The following POU2F1 variants were observed in gnomAD, a reference collection of about 807,000 sequenced individuals.
POU2F1 encodes POU domain, class 2, transcription factor 1.
In POU2F1, 16 loss-of-function variants were observed where a neutral mutation model predicts 84.9. The observed-to-expected ratio is 0.19, with a 90% CI of 0.13 to 0.29. The LOEUF (loss-of-function observed/expected upper bound fraction) is 0.29. Among genes scored for constraint, POU2F1 ranks in the 10% least tolerant of loss-of-function variants. The probability of loss-of-function intolerance (pLI) is 1.00; values close to 1 mark genes in which losing one functional copy is unlikely to be tolerated. For synonymous variants in POU2F1, 368 were observed against 368.3 expected, an observed-to-expected ratio of 1.00 and a Z score of 0.01; for missense variants, 738 against 942.6, an observed-to-expected ratio of 0.78 and a Z score of 2.84.
At position 167,315,377 on chromosome 1, in the gene POU2F1, T is replaced by G. The variant is rs1253800834; in HGVS notation, c.62-17093T>G. Among the ~76,000 whole-genome samples the G allele has an allele frequency of 2.8e-4, 43 of 152,336 alleles. 2 individuals carry two copies. On this transcript the variant is annotated intron_variant, in intron 1 of 15. Coordinates refer to ENST00000367866, the MANE Select transcript of POU2F1 (RefSeq NM_002697.4). Reference sequence around the variant, plus strand: ...AATATTTTTCCCCAGTGTTGACTTGTCATCCTCTTTACCTCCTATGTACGA... The same window carrying G: ...AATATTTTTCCCCAGTGTTGACTTGGCATCCTCTTTACCTCCTATGTACGA...
rs781681086 is a variant in POU2F1, at chr1:167,389,604, G to A, written c.830G>A (p.Arg277His). ...TLTSQPATPTRTIAATPIQTL... is the reference protein window; with the variant it reads ...TLTSQPATPTHTIAATPIQTL... Reference sequence around the variant, plus strand: ...CTCCAACAGCCAGCAACCCCAACACGCACAATAGCAGCAACCCCAATTCAG... The same window carrying A: ...CTCCAACAGCCAGCAACCCCAACACACACAATAGCAGCAACCCCAATTCAG... Residue 277 changes from arginine (R) to histidine (H), a missense_variant, in exon 9 of 16, where the codon CGC (arginine) becomes CAC (histidine). By Grantham distance (29) the Arg-to-His change is conservative. This residue lies in a region of POU2F1 where 163 missense variants were observed against 214.4 expected (regional missense o/e 0.76). Coordinates refer to ENST00000367866, the MANE Select transcript of POU2F1 (RefSeq NM_002697.4). The A allele has an allele frequency of 6.2e-6, 10 of 1,613,838 alleles. No homozygotes were observed. The highest frequency in any genetic ancestry group is 5.0e-5 in the Admixed American group (3 of 59,976).
intron 1 of POU2F1, among the ~76,000 whole-genome samples, chr1:167,330,532 A>G (rs1657013328): frequency 6.6e-6 from 1 of 152,214 alleles, no homozygotes; most frequent in Non-Finnish European, 1.5e-5. Flanking sequence ...ACATCATTTT[A>G]GAAGTAGAAA....
At chr1:167,414,214 G>T (rs1650157771) in intron 15 of POU2F1, 1 of 639,650 alleles carries the variant, frequency 1.6e-6, no homozygotes, top group Non-Finnish European at 1.9e-6. Flanking sequence ...TAGCTCTAAA[G>T]CTTTTGTTAT....
Position 167,365,463 on chromosome 1 carries a change from C to G in POU2F1, c.128-4C>G. The G allele has an allele frequency of 1.9e-6, 3 of 1,560,268 alleles. No individual in the cohort carries two copies. On this transcript the variant is annotated splice_polypyrimidine_tract_variant and splice_region_variant and intron_variant, in intron 2 of 15. Coordinates refer to ENST00000367866, the MANE Select transcript of POU2F1 (RefSeq NM_002697.4). Reference sequence around the variant, plus strand: ...TAGTTGAAATTATTTTGCTTGCTTTCTAGGCACACAAACCAATGGTCTGGA... The same window carrying G: ...TAGTTGAAATTATTTTGCTTGCTTTGTAGGCACACAAACCAATGGTCTGGA...
chr1:167,248,985 CA>C lies in POU2F1; in HGVS notation c.61+28028del, dbSNP rs1175326795. ...ACTAGGATTTAAACCCATGTTGTCT[CA>C]TTTCGGAGTTTTGGCTTTTATTATG... On this transcript the variant is annotated intron_variant, in intron 1 of 15. Coordinates refer to ENST00000367866, the MANE Select transcript of POU2F1 (RefSeq NM_002697.4). Among the ~76,000 whole-genome samples, 3 of 152,298 alleles carry C rather than the reference CA, an allele frequency of 2.0e-5. No individual in the cohort carries two copies. The East Asian group carries it at 5.8e-4, about 29-fold the overall frequency.
intron 2 of POU2F1, among the ~76,000 whole-genome samples, chr1:167,344,020 G>A (rs958591991): frequency 4.6e-5 from 7 of 152,046 alleles, no homozygotes; most frequent in Admixed American, 3.9e-4. Context: ...AGGAAGAGGA[G>A]CCCATGCCTT....
intron 2 of POU2F1, among the ~76,000 whole-genome samples, chr1:167,360,733 T>C (rs1473947294): frequency 1.3e-5 from 2 of 152,062 alleles, no homozygotes; most frequent in African/African-American, 4.8e-5. Context: ...GTAAAAAAAA[T>C]GATGTTGGTA....
chr1:167,407,003 A>T (rs1380916355), intron 13 of POU2F1, among the ~76,000 whole-genome samples: 1 of 149,570 alleles, frequency 6.7e-6, no homozygotes, highest in African/African-American at 2.4e-5. Flanking sequence ...TTATAGCATA[A>T]ATATATATTT....
intron 2 of POU2F1, among the ~76,000 whole-genome samples, chr1:167,364,654 T>A (rs1289502083): frequency 6.7e-6 from 1 of 149,400 alleles, no homozygotes; most frequent in Non-Finnish European, 1.5e-5. Context: ...CTCGGCTCAC[T>A]GCAACCTCCA....
intron 7 of POU2F1, among the ~76,000 whole-genome samples, chr1:167,381,811 T>C (rs1328014590): frequency 6.6e-6 from 1 of 151,718 alleles, no homozygotes; most frequent in Non-Finnish European, 1.5e-5. Flanking sequence ...GGTTTCACCA[T>C]GTTGGCCAGG....
chr1:167,386,073 T>G (rs1011393608), intron 8 of POU2F1, among the ~76,000 whole-genome samples: 7 of 152,138 alleles, frequency 4.6e-5, no homozygotes, highest in African/African-American at 1.4e-4. Context: ...TAAGCAAAAT[T>G]TAAAAGGCTA....
intron 15 of POU2F1, among the ~76,000 whole-genome samples, chr1:167,414,903 C>A (rs1002227949): frequency 1.3e-5 from 2 of 152,176 alleles, no homozygotes; most frequent in African/African-American, 2.4e-5. Context: ...TGGTCCCCAA[C>A]CTTTTTGGCA....
chr1:167,242,819 T>C (rs550581827), intron 1 of POU2F1, among the ~76,000 whole-genome samples: 1 of 152,314 alleles, frequency 6.6e-6, no homozygotes, highest in East Asian at 1.9e-4. Context: ...TTATAATGTC[T>C]CCTTTTGCGT....
intron 1 of POU2F1, among the ~76,000 whole-genome samples, chr1:167,306,329 C>T (rs1048473439): frequency 6.6e-5 from 10 of 152,236 alleles, no homozygotes; most frequent in Middle Eastern, 3.4e-3. Context: ...GACTCTATTC[C>T]TGTGTACAAT....
intron 1 of POU2F1, among the ~76,000 whole-genome samples, chr1:167,287,814 A>T (rs75373081): frequency 1.3e-5 from 2 of 152,190 alleles, no homozygotes; most frequent in Admixed American, 6.5e-5. Context: ...TCCAAGCGAG[A>T]TAGGTAAAAA....
At chr1:167,240,645 TCTA>T (rs745309116) in intron 1 of POU2F1, among the ~76,000 whole-genome samples, 1 of 152,138 alleles carries the variant, frequency 6.6e-6, no homozygotes. Context: ...TAACTGAAAA[TCTA>T]CTATTGTTTT....
intron 1 of POU2F1, among the ~76,000 whole-genome samples, chr1:167,244,941 G>C (rs1650200719): frequency 6.6e-6 from 1 of 152,154 alleles, no homozygotes; most frequent in African/African-American, 2.4e-5. Context: ...TGGAGAGAGG[G>C]ATCTTAATAC....
At chr1:167,403,824 A>G (rs1649369159) in intron 13 of POU2F1, among the ~76,000 whole-genome samples, 2 of 152,206 alleles carry the variant, frequency 1.3e-5, no homozygotes, top group South Asian at 4.1e-4. Context: ...CACGTTCTCA[A>G]GTAATTTTAT....
chr1:167,356,646 G>T (rs1658956208), intron 2 of POU2F1, among the ~76,000 whole-genome samples: 1 of 152,156 alleles, frequency 6.6e-6, no homozygotes, highest in Admixed American at 6.5e-5. Flanking sequence ...CGACTGAGGG[G>T]CATAAGGCAG....
Sources: gnomAD v4.1 joint callset for allele counts (sites outside exome capture counted in the v4.1 genomes callset) on GRCh38, gnomAD v4.1.1 for gene constraint, gnomAD v4.1.1 regional missense constraint, MANE v1.5 for transcripts, NCBI Gene and HGNC (gene_info 2026-07-23, HGNC 2026-07-21) for gene names.